The following FUCA2 variants were observed in gnomAD, a reference collection of about 807,000 sequenced individuals.
FUCA2 encodes the protein alpha-L-fucosidase 2, also known as plasma alpha-L-fucosidase.
A neutral mutation model predicts 52.6 loss-of-function variants in FUCA2; 41 were observed. The ratio of observed to expected loss-of-function variants is 0.78; its 90% CI spans 0.61 to 1.01. The LOEUF (loss-of-function observed/expected upper bound fraction) is 1.01, where lower values mean the gene tolerates loss of function less well. FUCA2 is among the 50% of genes least tolerant of loss of function. The pLI is 0.00. For synonymous variants in FUCA2, 211 were observed against 217.3 expected, an observed-to-expected ratio of 0.97 and a Z score of 0.26; for missense variants, 507 against 569.5, an observed-to-expected ratio of 0.89 and a Z score of 1.12.
At position 143,504,159 on chromosome 6, in the gene FUCA2, A is replaced by G. The variant is rs747299351; in HGVS notation, c.506T>C (p.Ile169Thr). 2 of 1,614,208 alleles carry G rather than the reference A, an allele frequency of 1.2e-6. No individual in the cohort carries two copies. The highest frequency in any genetic ancestry group is 2.2e-5 in the South Asian group (2 of 91,086). ...RDIVKELEVA[I>T]RNRTDLRFGL... ...AAAACGCAGGTCAGTTCTGTTCCTAATGGCTACCTCAAGTTCCTTGACAAT... is the reference window on the plus strand; with the variant it reads ...AAAACGCAGGTCAGTTCTGTTCCTAGTGGCTACCTCAAGTTCCTTGACAAT... The change falls in exon 3 of 7, where the codon ATT becomes ACT. Residue 169 changes from isoleucine (I) to threonine (T), a missense_variant. Ile to Thr is a moderately conservative substitution (Grantham distance 89, BLOSUM62 -1). Coordinates refer to ENST00000002165, the MANE Select transcript of FUCA2 (RefSeq NM_032020.5). This position sits in a 1 kb window ranked among gnomAD's most constrained non-coding sequence, Gnocchi z 4.4.
At chr6:143,498,357 T>A (rs1780490142) in intron 5 of FUCA2, among the ~76,000 whole-genome samples, 1 of 152,128 alleles carries the variant, frequency 6.6e-6, no homozygotes, top group Admixed American at 6.5e-5. Context: ...GATTAAATGC[T>A]ATGGAGAAAA....
chr6:143,505,307 A>ATTTTTTTTTTTTTTTTTTTTTTCTTTT (rs1780587173), intron 2 of FUCA2: 1 of 96,626 alleles, frequency 1.0e-5, no homozygotes, highest in African/African-American at 4.4e-5. Context: ...CATACTTTCG[A>ATTTTTTTTTTTTTTTTTTTTTTCTTTT]TTTTTTTTTT....
intron 6 of FUCA2, chr6:143,496,489 G>A (rs1024373842): frequency 3.3e-5 from 5 of 152,072 alleles, no homozygotes; most frequent in African/African-American, 1.2e-4. Flanking sequence ...TTAAACATTA[G>A]ATTTGAACTC....
In FUCA2 at chr6:143,507,343, A is replaced by T; in HGVS notation, c.306T>A (p.Asp102Glu). 1.2e-6 allele frequency: 2 copies of T among 1,608,988 alleles called. No individual in the cohort carries two copies. The highest frequency in any genetic ancestry group is 1.7e-6 in the Non-Finnish European group (2 of 1,178,960). ...ATTTTGCTGTAAATAGTGGTCCAAA[A>T]TCTTCATATTTGAAACTAGGAGGGT... ...DNYPPSFKYE[D>E]FGPLFTAKFF... The change falls in exon 2 of 7, where the codon GAT (aspartate) becomes GAA (glutamate). Residue 102 changes from aspartate to glutamate, a missense_variant. By Grantham distance (45) the Asp-to-Glu change is conservative. Transcript: ENST00000002165. This position sits in a 1 kb window ranked among gnomAD's most constrained non-coding sequence, Gnocchi z 4.5.
chr6:143,495,650 C>T lies in FUCA2; in HGVS notation c.*57G>A. 1 of 1,534,924 alleles carries T rather than the reference C, an allele frequency of 6.5e-7. No homozygotes were observed. Among genetic ancestry groups the T allele is most frequent in the South Asian group, 1.2e-5 (1 of 83,248 alleles). Reference sequence around the variant, plus strand: ...TTTCTCCATGTGCTACAATTATAGACACCTGATAGTTCCTAGCCTTAGACA... The same window carrying T: ...TTTCTCCATGTGCTACAATTATAGATACCTGATAGTTCCTAGCCTTAGACA... On this transcript the variant is annotated 3_prime_UTR_variant, in exon 7 of 7. Coordinates refer to ENST00000002165, the MANE Select transcript of FUCA2 (RefSeq NM_032020.5). This position sits in a 1 kb window ranked among gnomAD's most constrained non-coding sequence, Gnocchi z 5.2.
chr6:143,508,993 G>A (rs1027514413), intron 1 of FUCA2, among the ~76,000 whole-genome samples: 2 of 152,104 alleles, frequency 1.3e-5, no homozygotes, highest in Admixed American at 6.5e-5. Flanking sequence ...GGGCTCAAGC[G>A]ATCGTCCCAC....
rs956186332 is a variant in FUCA2 at position 143,500,875 on chromosome 6, TG to T, written c.1154+1056del. Among the ~76,000 whole-genome samples the T allele has an allele frequency of 2.0e-5, 3 of 152,062 alleles. No homozygotes were observed. The highest frequency in any genetic ancestry group is 7.2e-5 in the African/African-American group (3 of 41,416). ...GCAAGAAGGTGGGCATGATGAACCC[TG>T]GGGGAAGAAGGCTCCTATGGTGAGG... On this transcript the variant is annotated intron_variant, in intron 5 of 6. Transcript: ENST00000002165. The surrounding 1 kb of genome is among the most constrained non-coding windows in gnomAD (Gnocchi z 6.9).
Position 143,497,297 on chromosome 6 carries a change from G to T in FUCA2, c.1263+92C>A. The stretch of plus-strand genomic sequence containing the variant: ...ACAATTCCTTTTATGAAGTATAAGT[G>T]AAACAGTTATAAGGCTCCCCTTAAA... On this transcript the variant is annotated intron_variant, in intron 6 of 6. Coordinates refer to ENST00000002165, the MANE Select transcript of FUCA2 (RefSeq NM_032020.5). This position sits in a 1 kb window ranked among gnomAD's most constrained non-coding sequence, Gnocchi z 5.3. 1.2e-6 allele frequency: 1 copy of T among 820,118 alleles called. No individual in the cohort carries two copies. Among genetic ancestry groups the T allele is most frequent in the Non-Finnish European group, 2.1e-6 (1 of 477,530 alleles). 50.8% of individuals were successfully genotyped at this position (820,118 alleles called of 1,614,324 possible).
Position 143,497,569 on chromosome 6 carries a change from G to A in FUCA2, c.1155-72C>T. ...ATGTTTCTCACTATTTATGGATCAG[G>A]AACAATCTGGAATTATTTTACAGAT... On this transcript the variant is annotated intron_variant, in intron 5 of 6. Coordinates refer to ENST00000002165, the MANE Select transcript of FUCA2 (RefSeq NM_032020.5). This position sits in a 1 kb window ranked among gnomAD's most constrained non-coding sequence, Gnocchi z 5.3. 2.7e-6 allele frequency: 2 copies of A among 750,436 alleles called. No homozygotes were observed. Among genetic ancestry groups the A allele is most frequent in the South Asian group, 1.8e-5 (1 of 57,060 alleles). The allele number at this position is 750,436 out of a possible 1,614,324, so 46.5% of individuals were successfully genotyped here.
rs1461082736 is a variant in FUCA2 at position 143,499,530 on chromosome 6, AAGAT to A, written c.1155-2037_1155-2034del. Among the ~76,000 whole-genome samples the A allele has an allele frequency of 2.6e-5, 4 of 152,180 alleles. No individual in the cohort carries two copies. Among genetic ancestry groups the A allele is most frequent in the Admixed American group, 6.6e-5 (1 of 15,256 alleles). On this transcript the variant is annotated intron_variant, in intron 5 of 6. Coordinates refer to ENST00000002165, the MANE Select transcript of FUCA2 (RefSeq NM_032020.5). The surrounding 1 kb of genome is among the most constrained non-coding windows in gnomAD (Gnocchi z 6.0). ...AAGATCGCACCAGTGCACTCAAAAA[AAGAT>A]AGAGAAGAATGGAAGTCCAAAGACT...
chr6:143,506,427 C>G (rs1326047374), intron 2 of FUCA2: 1 of 152,050 alleles, frequency 6.6e-6, no homozygotes, highest in Non-Finnish European at 1.5e-5. Flanking sequence ...CCCCTGGGCT[C>G]AAATGATCCT....
chr6:143,501,829 G>A lies in FUCA2; in HGVS notation c.1154+103C>T. On this transcript the variant is annotated intron_variant, in intron 5 of 6. Coordinates refer to ENST00000002165, the MANE Select transcript of FUCA2 (RefSeq NM_032020.5). The surrounding 1 kb of genome is among the most constrained non-coding windows in gnomAD (Gnocchi z 6.1). ...TTTGGAAAGTGCTTTGTATATGTAG[G>A]AATTCATCCAATTTCTCTTTTTATC... 1 of 1,007,418 alleles carries A rather than the reference G, an allele frequency of 9.9e-7. No homozygotes were observed. The highest frequency in any genetic ancestry group is 1.8e-5 in the South Asian group (1 of 56,280). The allele number at this position is 1,007,418 out of a possible 1,614,324, so 62.4% of individuals were successfully genotyped here. A position where few individuals can be genotyped will look rare whatever the true frequency, so the allele number is the denominator to read the frequency against.
Position 143,495,910 on chromosome 6 carries a change from A to G in FUCA2, c.1264-63T>C. On this transcript the variant is annotated intron_variant, in intron 6 of 6. Coordinates refer to ENST00000002165, the MANE Select transcript of FUCA2 (RefSeq NM_032020.5). The surrounding 1 kb of genome is among the most constrained non-coding windows in gnomAD (Gnocchi z 5.2). ...TATCTCTTTATCTCACCCACTTTCT[A>G]TTGGGAAGGAGTGATTAGTAGTTCA... 5 of 1,562,132 alleles carry G rather than the reference A, an allele frequency of 3.2e-6. No homozygotes were observed. Among genetic ancestry groups the G allele is most frequent in the Non-Finnish European group, 4.4e-6 (5 of 1,142,962 alleles).
chr6:143,511,427 C>T lies in FUCA2; in HGVS notation c.208G>A (p.Gly70Ser), dbSNP rs777309409. The change falls in exon 1 of 7, where the codon GGT (glycine) becomes AGT (serine). Residue 70 changes from glycine to serine, a missense_variant. Transcript: ENST00000002165. This position sits in a 1 kb window ranked among gnomAD's most constrained non-coding sequence, Gnocchi z 6.3. ...CGCACTCACCAGAACCACTCGCTACCGAAGCTGGGCACGGAAAACACTCCC... is the reference window on the plus strand; with the variant it reads ...CGCACTCACCAGAACCACTCGCTACTGAAGCTGGGCACGGAAAACACTCCC... The part of the protein sequence containing the change: ...HWGVFSVPSF[G>S]SEWFWWYWQK... The T allele has an allele frequency of 1.8e-5, 29 of 1,611,260 alleles. No homozygotes were observed. The highest frequency in any genetic ancestry group is 2.3e-5 in the Non-Finnish European group (27 of 1,178,626).
rs1041631267 is a variant in FUCA2 at position 143,495,570 on chromosome 6, A to T, written c.*137T>A. ...TAATTTAAGAAAAAATTTAGTGGGA[A>T]AAAGGGAAAGGGCTGAACTGCCAAA... is the stretch of plus-strand genomic sequence containing the variant. On this transcript the variant is annotated 3_prime_UTR_variant, in exon 7 of 7. Transcript: ENST00000002165. The surrounding 1 kb of genome is among the most constrained non-coding windows in gnomAD (Gnocchi z 5.2). 6.9e-6 allele frequency: 6 copies of T among 874,808 alleles called. No individual in the cohort carries two copies. Among genetic ancestry groups the T allele is most frequent in the Non-Finnish European group, 8.1e-6 (5 of 616,504 alleles). 54.2% of individuals were successfully genotyped at this position (874,808 alleles called of 1,614,324 possible).
In FUCA2 at chr6:143,501,785, T is replaced by C. The variant is rs1278761811; in HGVS notation, c.1154+147A>G. 1.6e-6 allele frequency: 1 copy of C among 611,682 alleles called. No homozygotes were observed. The highest frequency in any genetic ancestry group is 2.7e-6 in the Non-Finnish European group (1 of 365,374). 37.9% of individuals were successfully genotyped at this position (611,682 alleles called of 1,614,324 possible). A position where few individuals can be genotyped will look rare whatever the true frequency, so the allele number is the denominator to read the frequency against. ...ACATGCAAATTCTTCCCCTTCTCTTTATATTAGAGTAAGCAAAGTTTGGAA... is the reference window on the plus strand; with the variant it reads ...ACATGCAAATTCTTCCCCTTCTCTTCATATTAGAGTAAGCAAAGTTTGGAA... On this transcript the variant is annotated intron_variant, in intron 5 of 6. Transcript: ENST00000002165. The surrounding 1 kb of genome is among the most constrained non-coding windows in gnomAD (Gnocchi z 6.1).
chr6:143,511,308 G>T lies in FUCA2; in HGVS notation c.224+103C>A. The T allele has an allele frequency of 2.8e-6, 3 of 1,076,056 alleles. No homozygotes were observed. Among genetic ancestry groups the T allele is most frequent in the Non-Finnish European group, 4.0e-6 (3 of 758,368 alleles). 66.7% of individuals were successfully genotyped at this position (1,076,056 alleles called of 1,614,324 possible). ...GCAGTGGGAGGTGAAACCGACGAGG[G>T]TGCAGGCAGCACCAGGCGGCGAACC... On this transcript the variant is annotated intron_variant, in intron 1 of 6. Coordinates refer to ENST00000002165, the MANE Select transcript of FUCA2 (RefSeq NM_032020.5). The surrounding 1 kb of genome is among the most constrained non-coding windows in gnomAD (Gnocchi z 6.3).
At position 143,495,773 on chromosome 6, in the gene FUCA2, T is replaced by C. The variant is rs765270351; in HGVS notation, c.1338A>G (p.Pro446=). 2 of 1,614,098 alleles carry C rather than the reference T, an allele frequency of 1.2e-6. No individual in the cohort carries two copies. Among genetic ancestry groups the C allele is most frequent in the East Asian group, 4.5e-5 (2 of 44,880 alleles). ...ACGGCATCTGATGAATGGTTAGCTGTGGCAGTTCTACCATAATGCCATTTT... is the reference window on the plus strand; with the variant it reads ...ACGGCATCTGATGAATGGTTAGCTGCGGCAGTTCTACCATAATGCCATTTT... The part of the protein sequence containing the change: ...LEQNGIMVEL[P]QLTIHQMPCK... Residue 446 remains proline, a synonymous_variant, in exon 7 of 7, where the codon CCA becomes CCG. Coordinates refer to ENST00000002165, the MANE Select transcript of FUCA2 (RefSeq NM_032020.5). This position sits in a 1 kb window ranked among gnomAD's most constrained non-coding sequence, Gnocchi z 5.2.
Position 143,504,455 on chromosome 6 carries a change from T to G in FUCA2, c.413-203A>C, listed in dbSNP as rs1184879572. On this transcript the variant is annotated intron_variant, in intron 2 of 6. Transcript: ENST00000002165. This position sits in a 1 kb window ranked among gnomAD's most constrained non-coding sequence, Gnocchi z 4.4. ...GAGAATTTAAACAAGGTGAGACAGG[T>G]TTTTAAAAGCAACTTTCAGGGTATA... 1.8e-6 allele frequency: 1 copy of G among 568,962 alleles called. No homozygotes were observed. The highest frequency in any genetic ancestry group is 3.1e-6 in the Non-Finnish European group (1 of 322,380). 35.2% of individuals were successfully genotyped at this position (568,962 alleles called of 1,614,324 possible). A position where few individuals can be genotyped will look rare whatever the true frequency, so the allele number is the denominator to read the frequency against.
Sources: allele counts gnomAD v4.1 joint callset (sites outside exome capture counted in the v4.1 genomes callset), GRCh38; gene constraint gnomAD v4.1.1; non-coding constraint Gnocchi (gnomAD v3.1); transcripts MANE v1.5; gene names NCBI Gene and HGNC (gene_info 2026-07-23, HGNC 2026-07-21).